RARA: variants seen among roughly 807,000 people sequenced by gnomAD.
RARA encodes the protein PML-DDX5-RARA fusion.
Under a neutral mutation model 42.8 loss-of-function variants are expected in RARA, and 5 were observed. That is an observed-to-expected ratio of 0.12 (90% CI 0.06 to 0.25). RARA has a LOEUF of 0.25. Among genes scored for constraint, RARA ranks in the 10% least tolerant of loss-of-function variants. RARA has a pLI of 1.00. For missense variants in RARA, 402 were observed against 628.7 expected, an observed-to-expected ratio of 0.64 and a Z score of 3.86; for synonymous variants, 256 against 259.5, an observed-to-expected ratio of 0.99 and a Z score of 0.13.
At chr17:40,348,647 G>T in intron 3 of RARA, 183 bp downstream of exon 3, 1 of 675,514 alleles carries the variant, frequency 1.5e-6, no homozygotes, top group Non-Finnish European at 2.2e-6. Flanking sequence ...CCCCATAAAT[G>T]TGCAGGGCTC....
intron 1 of RARA, among the ~76,000 whole-genome samples, chr17:40,319,827 G>T (rs559756850): frequency 7.7e-4 from 118 of 152,338 alleles, no homozygotes; most frequent in Non-Finnish European, 1.4e-3. Context: ...GGGGGCCGGG[G>T]GGGGCGGGTA....
At chr17:40,334,719 C>A (rs554774139) in intron 2 of RARA, among the ~76,000 whole-genome samples, 60 of 152,302 alleles carry the variant, frequency 3.9e-4, no homozygotes, top group Non-Finnish European at 7.1e-4. Context: ...TGTAGGAATT[C>A]TTGCTGATGA....
Position 40,349,797 on chromosome 17 carries a change from G to A in RARA, c.341G>A (p.Arg114His), listed in dbSNP as rs1280820027. 4 of 1,614,070 alleles carry A rather than the reference G, an allele frequency of 2.5e-6. No homozygotes were observed. Among genetic ancestry groups the A allele is most frequent in the Non-Finnish European group, 3.4e-6 (4 of 1,179,946 alleles). The change falls in exon 4 of 9, where the codon CGC becomes CAC. Residue 114 changes from arginine to histidine, a missense_variant. By Grantham distance (29) the Arg-to-His change is conservative. Around this residue, in one of 5 missense-constraint regions of RARA, gnomAD observed 130 missense variants for 267.9 expected, o/e 0.49. Transcript: ENST00000254066. ...CTCCATACCCAGGGCTTCTTCCGCC[G>A]CAGCATCCAGAAGAACATGGTGTAC... ...ACEGCKGFFR[R>H]SIQKNMVYTC...
intron 1 of RARA, among the ~76,000 whole-genome samples, chr17:40,309,706 T>C (rs553448163): frequency 6.6e-6 from 1 of 152,318 alleles, no homozygotes; most frequent in East Asian, 1.9e-4. Context: ...TCTTTCTTGC[T>C]TCCTCACCCA....
intron 1 of RARA, among the ~76,000 whole-genome samples, chr17:40,327,983 C>T (rs1204878603): frequency 6.6e-6 from 1 of 152,136 alleles, no homozygotes; most frequent in Non-Finnish European, 1.5e-5. Context: ...GAAGGGAGCT[C>T]TTTATTCAGG....
At chr17:40,342,699 G>T in intron 2 of RARA, 3 of 1,607,790 alleles carry the variant, frequency 1.9e-6, no homozygotes, top group Non-Finnish European at 2.5e-6. Flanking sequence ...GCCTTCGAGG[G>T]GAAAGATGTA....
rs917164880 is a variant in RARA, at chr17:40,326,225, A to T, written c.-362-4632A>T. On this transcript the variant is annotated intron_variant, in intron 1 of 8. Coordinates refer to ENST00000254066, the MANE Select transcript of RARA (RefSeq NM_000964.4). The surrounding 1 kb of genome is among the most constrained non-coding windows in gnomAD (Gnocchi z 5.2). ...CAAGGTGGTGGCAAGAGGCATGGGGATGGAGGGCTCCAGTTGCCCGGGCCT... is the reference window on the plus strand; with the variant it reads ...CAAGGTGGTGGCAAGAGGCATGGGGTTGGAGGGCTCCAGTTGCCCGGGCCT... 6.6e-6 allele frequency among the ~76,000 whole-genome samples: 1 copy of T among 152,218 alleles called. No homozygotes were observed. The highest frequency in any genetic ancestry group is 2.4e-5 in the African/African-American group (1 of 41,458).
Position 40,357,573 on chromosome 17 carries a change from T to TG in RARA, c.*1350dup. On this transcript the variant is annotated 3_prime_UTR_variant, in exon 9 of 9. Coordinates refer to ENST00000254066, the MANE Select transcript of RARA (RefSeq NM_000964.4). Reference sequence around the variant, plus strand: ...TTGGGGCCCCTTCCCCTGGAGCCCGTGGGTGCACCTGTTACTGTTGGGCTT... The same window carrying TG: ...TTGGGGCCCCTTCCCCTGGAGCCCGTGGGGTGCACCTGTTACTGTTGGGCTT... 4.3e-6 allele frequency: 1 copy of TG among 231,788 alleles called. No individual in the cohort carries two copies. The highest frequency in any genetic ancestry group is 8.5e-6 in the Non-Finnish European group (1 of 117,092). The allele number at this position is 231,788 out of a possible 1,614,324, so 14.4% of individuals were successfully genotyped here. A position where few individuals can be genotyped will look rare whatever the true frequency, so the allele number is the denominator to read the frequency against.
chr17:40,317,697 C>CTT (rs200426208), intron 1 of RARA, among the ~76,000 whole-genome samples: 4 of 144,238 alleles, frequency 2.8e-5, no homozygotes, highest in Admixed American at 2.1e-4. Flanking sequence ...CTCCTGGACT[C>CTT]TTTTTTTTTT....
chr17:40,325,615 G>T (rs2033523094), intron 1 of RARA, among the ~76,000 whole-genome samples: 1 of 152,230 alleles, frequency 6.6e-6, no homozygotes, highest in African/African-American at 2.4e-5. Context: ...GCGGGACAGG[G>T]GTCCAAAGGC....
chr17:40,333,273 C>A (rs1419747580), intron 2 of RARA, among the ~76,000 whole-genome samples: 1 of 152,196 alleles, frequency 6.6e-6, no homozygotes, highest in Non-Finnish European at 1.5e-5. Context: ...TGGTCTTGAA[C>A]TCCTGACCTC....
Position 40,356,149 on chromosome 17 carries a change from G to C in RARA, c.1312G>C (p.Ala438Pro), listed in dbSNP as rs1441911200. The change falls in exon 9 of 9, where the codon GCC becomes CCC. Residue 438 changes from alanine (A) to proline (P), a missense_variant. Around this residue, in one of 5 missense-constraint regions of RARA, gnomAD observed 73 missense variants for 59.8 expected, o/e 1.22. Transcript: ENST00000254066. ...TGGGGGGCGGGACGGGGGTGGCCTG[G>C]CCCCCCCGCCAGGCAGCTGTAGCCC... ...GGGGRDGGGLAPPPGSCSPSL... is the reference protein window; with the variant it reads ...GGGGRDGGGLPPPPGSCSPSL... The C allele has an allele frequency of 2.6e-6, 4 of 1,551,964 alleles. No homozygotes were observed. The East Asian group carries it at 7.2e-5, about 28-fold the overall frequency.
Position 40,356,716 on chromosome 17 carries a change from G to C in RARA, c.*490G>C. The C allele has an allele frequency of 1.9e-6, 1 of 537,440 alleles. No homozygotes were observed. The highest frequency in any genetic ancestry group is 3.6e-6 in the Non-Finnish European group (1 of 279,342). 33.3% of individuals were successfully genotyped at this position (537,440 alleles called of 1,614,324 possible). ...TACATACCCTGCCATACCAACCCCA[G>C]GTATTAATTCTCGCTGGTTTTGTTT... is the stretch of plus-strand genomic sequence containing the variant. On this transcript the variant is annotated 3_prime_UTR_variant, in exon 9 of 9. Transcript: ENST00000254066.
At chr17:40,336,945 G>A (rs1204135857) in intron 2 of RARA, among the ~76,000 whole-genome samples, 13 of 152,110 alleles carry the variant, frequency 8.5e-5, no homozygotes, top group Non-Finnish European at 1.3e-4. Flanking sequence ...TGATCCGCCC[G>A]CCTCGGCCTC....
intron 2 of RARA, among the ~76,000 whole-genome samples, chr17:40,335,827 G>A (rs1313669121): frequency 6.6e-6 from 1 of 152,062 alleles, no homozygotes; most frequent in African/African-American, 2.4e-5. Flanking sequence ...AACATAGTGA[G>A]ACCCTGCCTC....
intron 2 of RARA, among the ~76,000 whole-genome samples, chr17:40,339,493 G>A (rs1020244954): frequency 6.6e-6 from 1 of 152,156 alleles, no homozygotes; most frequent in African/African-American, 2.4e-5. Flanking sequence ...ACTGCCCCAG[G>A]ACACTGTGTT....
At chr17:40,348,490 G>A in intron 3 of RARA, 26 bp downstream of exon 3, 1 of 1,607,044 alleles carries the variant, frequency 6.2e-7, no homozygotes, top group Non-Finnish European at 8.5e-7. Context: ...CATTGGGAAG[G>A]ACAGCTTGAT....
At chr17:40,323,470 G>A (rs550454344) in intron 1 of RARA, among the ~76,000 whole-genome samples, 2 of 152,066 alleles carry the variant, frequency 1.3e-5, no homozygotes, top group African/African-American at 4.8e-5. Flanking sequence ...AGGGGCTGTG[G>A]GGCAGGGTCC....
chr17:40,335,675 G>A (rs932046126), intron 2 of RARA, among the ~76,000 whole-genome samples: 2 of 146,416 alleles, frequency 1.4e-5, no homozygotes, highest in African/African-American at 5.1e-5. Flanking sequence ...GGGGGATAGA[G>A]CGAGCCTCTG....
Sources: allele counts gnomAD v4.1 joint callset (sites outside exome capture counted in the v4.1 genomes callset), GRCh38; gene constraint gnomAD v4.1.1; regional missense constraint gnomAD v4.1.1; non-coding constraint Gnocchi (gnomAD v3.1); transcripts MANE v1.5; gene names NCBI Gene and HGNC (gene_info 2026-07-23, HGNC 2026-07-21).